CNTNAP3B: variants seen among roughly 807,000 people sequenced by gnomAD.
CNTNAP3B encodes the protein contactin-associated protein-like 3B.
A neutral mutation model predicts 108.9 loss-of-function variants in CNTNAP3B; 25 were observed. The observed-to-expected ratio is 0.23, with a 90% confidence interval of 0.17 to 0.32. CNTNAP3B has a LOEUF of 0.32. Among genes scored for constraint, CNTNAP3B ranks in the 10% least tolerant of loss-of-function variants. The pLI, the probability that CNTNAP3B is intolerant of heterozygous loss-of-function variation, is 1.00. For missense variants in CNTNAP3B, 252 were observed against 1,210.4 expected, an observed-to-expected ratio of 0.21 and a Z score of 11.75; for synonymous variants, 103 against 473.4, an observed-to-expected ratio of 0.22 and a Z score of 10.16.
At chr9:42,024,628 A>C (rs1826382179) in intron 3 of CNTNAP3B, among the ~76,000 whole-genome samples, 1 of 128,318 alleles carries the variant, frequency 7.8e-6, no homozygotes, top group Admixed American at 7.9e-5. Context: ...AAACAAAAAA[A>C]AGGTCAGAAG....
rs548058213 is a variant in CNTNAP3B, at chr9:41,938,728, C to T, written c.2081-328G>A. Among the ~76,000 whole-genome samples the T allele has an allele frequency of 1.2e-4, 18 of 152,342 alleles. No individual in the cohort carries two copies. The East Asian group carries it at 2.9e-3, about 24-fold the overall frequency. ...TTAAAATTAATACCAGGGTAATTTG[C>T]ACACTAAAGATAAAATCTATTTGAA... On this transcript the variant is annotated intron_variant, in intron 13 of 23. Coordinates refer to ENST00000377561, the MANE Select transcript of CNTNAP3B (RefSeq NM_001201380.3).
chr9:41,942,312 A>G (rs1260004178), intron 13 of CNTNAP3B, among the ~76,000 whole-genome samples: 1 of 152,238 alleles, frequency 6.6e-6, no homozygotes, highest in Non-Finnish European at 1.5e-5. Context: ...CATCTCTACT[A>G]AAAATACAAA....
At chr9:41,932,676 C>G (rs1429388334) in intron 14 of CNTNAP3B, among the ~76,000 whole-genome samples, 1 of 152,004 alleles carries the variant, frequency 6.6e-6, no homozygotes, top group Non-Finnish European at 1.5e-5. Context: ...TGCGCCACTA[C>G]GCTCAGCTAA....
intron 14 of CNTNAP3B, among the ~76,000 whole-genome samples, chr9:41,936,999 A>G (rs1046558370): frequency 6.6e-6 from 1 of 152,210 alleles, no homozygotes; most frequent in South Asian, 2.1e-4. Flanking sequence ...GTGGACTACC[A>G]TGCAGGCCAA....
At chr9:41,894,717 C>T (rs1159891148) in intron 23 of CNTNAP3B, among the ~76,000 whole-genome samples, 7 of 208 alleles carry the variant, frequency 0.034, no homozygotes, top group South Asian at 0.17. Flanking sequence ...TCTCTAAGAC[C>T]GCGTACATCC....
intron 4 of CNTNAP3B, among the ~76,000 whole-genome samples, chr9:42,003,961 AAAC>A (rs1587193479): frequency 6.9e-6 from 1 of 144,872 alleles, no homozygotes. Flanking sequence ...CCTCTCAAAA[AAAC>A]AACAACAAAA....
At position 41,934,100 on chromosome 9, in the gene CNTNAP3B, C is replaced by CATATATATGTGTAT. The variant is rs1314834829; in HGVS notation, c.2237+4143_2237+4144insATACACATATATAT. ...TCAATTTGCCTTTGCATATTTGTTA[C>CATATATATGTGTAT]ATATATATATATATATATATATACA... On this transcript the variant is annotated intron_variant, in intron 14 of 23. Transcript: ENST00000377561. Among the ~76,000 whole-genome samples the CATATATATGTGTAT allele has an allele frequency of 3.2e-3, 292 of 90,204 alleles. 3 individuals carry two copies. The highest frequency in any genetic ancestry group is 0.012 in the African/African-American group (276 of 23,784). 59.2% of individuals were successfully genotyped at this position (90,204 alleles called of 152,430 possible).
intron 14 of CNTNAP3B, among the ~76,000 whole-genome samples, chr9:41,933,221 TG>T (rs1824034921): frequency 6.6e-6 from 1 of 152,214 alleles, no homozygotes; most frequent in African/African-American, 2.4e-5. Flanking sequence ...AATTTTTTTT[TG>T]TCATGGGGGG....
intron 2 of CNTNAP3B, among the ~76,000 whole-genome samples, chr9:42,087,428 C>T (rs1175513276): frequency 1.6e-4 from 19 of 122,292 alleles, no homozygotes; most frequent in African/African-American, 5.2e-4. Flanking sequence ...ACACAAAGAG[C>T]CTTCTCACTT....
chr9:42,097,430 A>C (rs1827925797), intron 2 of CNTNAP3B, among the ~76,000 whole-genome samples: 1 of 140,132 alleles, frequency 7.1e-6, no homozygotes, highest in Admixed American at 7.1e-5. Flanking sequence ...GGTCACTAGT[A>C]ATGTTTTCTA....
At chr9:41,942,646 AG>A (rs1219026379) in intron 13 of CNTNAP3B, among the ~76,000 whole-genome samples, 5 of 151,898 alleles carry the variant, frequency 3.3e-5, no homozygotes, top group African/African-American at 1.2e-4. Context: ...TAAAAAAAAA[AG>A]AGTATAGGAT....
At chr9:42,085,200 G>A in intron 2 of CNTNAP3B, among the ~76,000 whole-genome samples, 1 of 151,862 alleles carries the variant, frequency 6.6e-6, no homozygotes, top group Non-Finnish European at 1.5e-5. Context: ...GTACAGAGAA[G>A]TGATGTGTAC....
At chr9:41,958,523 T>C (rs1278109704) in intron 12 of CNTNAP3B, among the ~76,000 whole-genome samples, 1 of 151,902 alleles carries the variant, frequency 6.6e-6, no homozygotes, top group Non-Finnish European at 1.5e-5. Context: ...GTAACATGTG[T>C]GGGAAGGGGA....
intron 1 of CNTNAP3B, among the ~76,000 whole-genome samples, chr9:42,116,754 T>G (rs1828328311): frequency 7.2e-6 from 1 of 139,118 alleles, no homozygotes; most frequent in Non-Finnish European, 1.5e-5. Context: ...TCAAGACCCA[T>G]CAGTGTGCTG....
intron 13 of CNTNAP3B, among the ~76,000 whole-genome samples, chr9:41,951,183 T>C (rs1231753490): frequency 3.4e-5 from 5 of 147,620 alleles, no homozygotes; most frequent in Admixed American, 1.4e-4. Flanking sequence ...GCTTAACGGC[T>C]ATTCGGGTTC....
At chr9:42,085,961 T>C (rs1827695424) in intron 2 of CNTNAP3B, among the ~76,000 whole-genome samples, 1 of 143,892 alleles carries the variant, frequency 6.9e-6, no homozygotes, top group Admixed American at 6.9e-5. Flanking sequence ...CAGTGGCTGA[T>C]GGACATTTGA....
At chr9:41,943,332 C>T (rs1341662134) in intron 13 of CNTNAP3B, among the ~76,000 whole-genome samples, 10 of 150,390 alleles carry the variant, frequency 6.6e-5, no homozygotes, top group African/African-American at 2.2e-4. Flanking sequence ...AATATCCAAA[C>T]TGTTGGACAA....
chr9:42,030,355 G>T (rs1275463869), intron 3 of CNTNAP3B, among the ~76,000 whole-genome samples: 1 of 24,126 alleles, frequency 4.1e-5, no homozygotes, highest in Non-Finnish European at 7.0e-5. Context: ...CAAGGGTGTT[G>T]TGTGGTCGCT....
chr9:42,107,120 C>A (rs1828100068), intron 1 of CNTNAP3B, among the ~76,000 whole-genome samples: 1 of 86,936 alleles, frequency 1.2e-5, no homozygotes. Context: ...GGATTCCTGG[C>A]TGACATGTCT....
Sources: allele counts gnomAD v4.1 joint callset (sites outside exome capture counted in the v4.1 genomes callset), GRCh38; gene constraint gnomAD v4.1.1; transcripts MANE v1.5; gene names NCBI Gene and HGNC (gene_info 2026-07-23, HGNC 2026-07-21).